The following XKR9 variants were observed in gnomAD, a reference collection of about 807,000 sequenced individuals.
XKR9 encodes XK-related protein 9.
In XKR9, 32 loss-of-function variants were observed where a neutral mutation model predicts 32.0. The observed-to-expected ratio is 1.00, with a 90% CI of 0.76 to 1.34. The LOEUF is 1.34. Among genes scored for constraint, XKR9 ranks in the 40% most tolerant of loss-of-function variants. The pLI is 0.00. For missense variants in XKR9, 546 were observed against 429.7 expected (o/e 1.27, Z -2.39); for synonymous variants, 168 against 143.4 (o/e 1.17, Z -1.22).
the XKR9 span, among the ~76,000 whole-genome samples, chr8:70,798,582 T>A: frequency 6.6e-6 from 1 of 152,222 alleles, no homozygotes; most frequent in African/African-American, 2.4e-5. Flanking sequence ...AACTTTTGTT[T>A]TTGTTGCAAT....
chr8:70,794,552 A>G (rs886294324), downstream of XKR9, among the ~76,000 whole-genome samples: 1 of 152,060 alleles, frequency 6.6e-6, no homozygotes, highest in Non-Finnish European at 1.5e-5. Context: ...TGCTTTTATA[A>G]TGAAGAGTTG....
chr8:70,826,625 A>G, the XKR9 span, among the ~76,000 whole-genome samples: 1 of 152,130 alleles, frequency 6.6e-6, no homozygotes, highest in Non-Finnish European at 1.5e-5. Context: ...GACTTTTCAG[A>G]CTTTCCATTT....
At chr8:70,813,580 C>A in the XKR9 span, among the ~76,000 whole-genome samples, 3 of 151,912 alleles carry the variant, frequency 2.0e-5, no homozygotes, top group African/African-American at 4.8e-5. Flanking sequence ...ACAATGAACT[C>A]AAACAAATTT....
chr8:70,791,203 A>T (rs779172140), downstream of XKR9, among the ~76,000 whole-genome samples: 1 of 151,968 alleles, frequency 6.6e-6, no homozygotes, highest in Non-Finnish European at 1.5e-5. Flanking sequence ...TTGGCCAGGC[A>T]TCTTGGCTTT....
the XKR9 span, among the ~76,000 whole-genome samples, chr8:70,947,882 A>G: frequency 2.2e-4 from 33 of 152,240 alleles, no homozygotes; most frequent in African/African-American, 7.7e-4. Context: ...CCACTCATCT[A>G]GTAGTTGGGA....
the XKR9 span, among the ~76,000 whole-genome samples, chr8:70,880,610 T>A: frequency 6.6e-6 from 1 of 152,054 alleles, no homozygotes; most frequent in East Asian, 1.9e-4. Context: ...CACTGCTCAA[T>A]GAAATAAAAG....
the XKR9 span, among the ~76,000 whole-genome samples, chr8:70,801,510 G>A: frequency 1.1e-4 from 16 of 152,184 alleles, no homozygotes; most frequent in African/African-American, 3.9e-4. Context: ...TATTTTCATT[G>A]TGCTGTGATC....
At chr8:71,026,255 T>G in the XKR9 span, among the ~76,000 whole-genome samples, 1 of 152,218 alleles carries the variant, frequency 6.6e-6, no homozygotes. Flanking sequence ...TGTTATTGGC[T>G]TTCCCCTGTT....
chr8:71,005,363 C>T, the XKR9 span, among the ~76,000 whole-genome samples: 10 of 151,662 alleles, frequency 6.6e-5, no homozygotes, highest in South Asian at 2.1e-4. Context: ...GCTGGGATTG[C>T]AGGTGCCCAC....
intron 2 of XKR9, among the ~76,000 whole-genome samples, chr8:70,779,077 C>T (rs1807576433): frequency 6.6e-6 from 1 of 152,250 alleles, no homozygotes; most frequent in East Asian, 1.9e-4. Context: ...ATGATATTGG[C>T]TGTGGGTTTG....
chr8:71,039,596 T>C, the XKR9 span, among the ~76,000 whole-genome samples: 1 of 152,178 alleles, frequency 6.6e-6, no homozygotes, highest in Non-Finnish European at 1.5e-5. Flanking sequence ...ATTTATTCTT[T>C]GTAGTGGAAG....
the XKR9 span, among the ~76,000 whole-genome samples, chr8:70,835,347 G>C: frequency 6.6e-6 from 1 of 151,990 alleles, no homozygotes; most frequent in East Asian, 1.9e-4. Context: ...TTTTAAATTG[G>C]TTATTTGGAA....
chr8:70,778,790 AT>A (rs1807570209), intron 2 of XKR9, among the ~76,000 whole-genome samples: 2 of 152,132 alleles, frequency 1.3e-5, no homozygotes, highest in Non-Finnish European at 2.9e-5. Context: ...ATTTTTGCAC[AT>A]TGATTTTGTA....
chr8:71,030,273 A>G, the XKR9 span, among the ~76,000 whole-genome samples: 2 of 152,350 alleles, frequency 1.3e-5, no homozygotes, highest in East Asian at 1.9e-4. Flanking sequence ...TACTAAATAC[A>G]GTACTAATAA....
chr8:70,891,662 G>A, the XKR9 span, among the ~76,000 whole-genome samples: 9 of 151,934 alleles, frequency 5.9e-5, no homozygotes, highest in Admixed American at 2.6e-4. Flanking sequence ...TTTGAGACTC[G>A]TTTTGTGGCC....
chr8:70,716,527 G>A (rs1563444017), intron 4 of XKR9, among the ~76,000 whole-genome samples: 2 of 152,056 alleles, frequency 1.3e-5, no homozygotes, highest in Admixed American at 1.3e-4. Flanking sequence ...CGAATGAAGG[G>A]GGAAGCCCCT....
At chr8:70,954,255 T>C in the XKR9 span, among the ~76,000 whole-genome samples, 1 of 152,124 alleles carries the variant, frequency 6.6e-6, no homozygotes, top group African/African-American at 2.4e-5. Flanking sequence ...TAGTGTAGCC[T>C]GGGACTGTTT....
chr8:70,946,133 CAAAAAAG>C, the XKR9 span, among the ~76,000 whole-genome samples: 1 of 151,506 alleles, frequency 6.6e-6, no homozygotes, highest in Admixed American at 6.6e-5. Flanking sequence ...GACTCTGTCT[CAAAAAAG>C]AAAAAAGAAA....
intron 3 of XKR9, among the ~76,000 whole-genome samples, chr8:70,682,417 A>G (rs187968874): frequency 3.3e-5 from 5 of 152,304 alleles, no homozygotes. Context: ...TTGCACATCT[A>G]CAGAACTATT....
Sources: allele counts gnomAD v4.1 joint callset (sites outside exome capture counted in the v4.1 genomes callset), GRCh38; gene constraint gnomAD v4.1.1; transcripts MANE v1.5; gene names NCBI Gene and HGNC (gene_info 2026-07-23, HGNC 2026-07-21).